The following COPA variants were observed in gnomAD, a reference collection of about 807,000 sequenced individuals.
COPA encodes coat protein complex I subunit alpha, also known as coatomer subunit alpha.
A neutral mutation model predicts 158.7 loss-of-function variants in COPA; 10 were observed. That is an observed-to-expected ratio of 0.06 (90% CI 0.04 to 0.11). The LOEUF is 0.11. COPA is among the 10% of genes least tolerant of loss of function. COPA has a pLI of 1.00. For synonymous variants in COPA, 462 were observed against 542.8 expected (o/e 0.85, Z 2.07); for missense variants, 1,065 against 1,536.7 (o/e 0.69, Z 5.13).
At position 160,324,258 on chromosome 1, in the gene COPA, T is replaced by C. The variant is rs555213985; in HGVS notation, c.607-728A>G. On this transcript the variant is annotated intron_variant, in intron 7 of 32. Coordinates refer to ENST00000241704, the MANE Select transcript of COPA (RefSeq NM_004371.4). Reference sequence around the variant, plus strand: ...TGCAAGGTAAAAACTATTTTCATAATATTACTAAGACTTTGTCTTCTTCAT... The same window carrying C: ...TGCAAGGTAAAAACTATTTTCATAACATTACTAAGACTTTGTCTTCTTCAT... 1.1e-4 allele frequency among the ~76,000 whole-genome samples: 17 copies of C among 151,348 alleles called. No individual in the cohort carries two copies. The Middle Eastern group carries it at 0.01, about 91-fold the overall frequency.
intron 17 of COPA, among the ~76,000 whole-genome samples, 166 bp from the exon 18 acceptor site, chr1:160,299,430 C>A (rs1162427604): frequency 6.6e-6 from 1 of 152,184 alleles, no homozygotes; most frequent in East Asian, 1.9e-4. Context: ...TTATCATATT[C>A]TTTCTACGAT....
chr1:160,322,162 G>A (rs1267983661), intron 8 of COPA, among the ~76,000 whole-genome samples: 2 of 152,064 alleles, frequency 1.3e-5, no homozygotes, highest in African/African-American at 4.8e-5. Context: ...AAGCAATTCT[G>A]AGCAAAAAGA....
At chr1:160,305,798 C>T in intron 15 of COPA, 25 bp from the exon 16 acceptor site, 1 of 1,578,480 alleles carries the variant, frequency 6.3e-7, no homozygotes, top group Non-Finnish European at 8.7e-7. Context: ...GATGTGCAAA[C>T]ATGAATGGAT....
At chr1:160,329,189 AC>A (rs1430117612) in intron 6 of COPA, among the ~76,000 whole-genome samples, 1 of 152,228 alleles carries the variant, frequency 6.6e-6, no homozygotes, top group Non-Finnish European at 1.5e-5. Flanking sequence ...TTTGTTAAAT[AC>A]CAAAGCATCT....
intron 3 of COPA, 168 bp downstream of exon 3, chr1:160,339,741 A>C: frequency 3.4e-6 from 2 of 588,776 alleles, no homozygotes; most frequent in Non-Finnish European, 6.0e-6. Context: ...AGTGTCTGGT[A>C]CACAGTAAGC....
intron 8 of COPA, among the ~76,000 whole-genome samples, chr1:160,314,613 G>C (rs1178806547): frequency 6.6e-6 from 1 of 152,204 alleles, no homozygotes; most frequent in African/African-American, 2.4e-5. Flanking sequence ...CTGGGCAACA[G>C]AGCAAGACCC....
At chr1:160,302,833 C>T (rs186900022) in intron 17 of COPA, among the ~76,000 whole-genome samples, 4 of 152,036 alleles carry the variant, frequency 2.6e-5, no homozygotes, top group Admixed American at 1.3e-4. Flanking sequence ...GGATTACAGG[C>T]GTGAGCGACC....
At chr1:160,313,253 C>A in intron 9 of COPA, 86 bp from the exon 10 acceptor site, 1 of 1,200,138 alleles carries the variant, frequency 8.3e-7, no homozygotes, top group Non-Finnish European at 1.2e-6. Flanking sequence ...GGTAAGCCAG[C>A]AAGCTGATTA....
intron 10 of COPA, among the ~76,000 whole-genome samples, chr1:160,312,326 A>G (rs1319722344): frequency 1.3e-5 from 2 of 152,220 alleles, no homozygotes; most frequent in Admixed American, 6.5e-5. Flanking sequence ...ATTTAGGTCT[A>G]TCACCCACAT....
chr1:160,317,235 T>C (rs1659178081), intron 8 of COPA, among the ~76,000 whole-genome samples: 1 of 152,206 alleles, frequency 6.6e-6, no homozygotes, highest in South Asian at 2.1e-4. Context: ...GTGTTAAAAG[T>C]AGTTCTTCGA....
chr1:160,323,134 A>C (rs531350009), intron 8 of COPA, among the ~76,000 whole-genome samples: 1 of 152,138 alleles, frequency 6.6e-6, no homozygotes, highest in Non-Finnish European at 1.5e-5. Flanking sequence ...GCATGTTCTC[A>C]CTCACATGTG....
intron 13 of COPA, among the ~76,000 whole-genome samples, chr1:160,307,750 C>T (rs749041710): frequency 6.6e-6 from 1 of 152,224 alleles, no homozygotes; most frequent in African/African-American, 2.4e-5. Flanking sequence ...CAAGTTGTTG[C>T]TCTGTAAATG....
intron 13 of COPA, among the ~76,000 whole-genome samples, chr1:160,307,881 G>T (rs1280916718): frequency 6.6e-6 from 1 of 152,208 alleles, no homozygotes; most frequent in Non-Finnish European, 1.5e-5. Context: ...ATAAACAGAA[G>T]GGTGCATCAA....
At chr1:160,338,941 C>T (rs1647907703) in intron 3 of COPA, among the ~76,000 whole-genome samples, 1 of 152,154 alleles carries the variant, frequency 6.6e-6, no homozygotes, top group African/African-American at 2.4e-5. Flanking sequence ...CTAGCACAGA[C>T]ACCTCAACTA....
In COPA at chr1:160,305,591, T is replaced by C; in HGVS notation, c.1529-20A>G. 1.2e-6 allele frequency: 2 copies of C among 1,614,142 alleles called. No homozygotes were observed. The highest frequency in any genetic ancestry group is 8.5e-7 in the Non-Finnish European group (1 of 1,180,018). On this transcript the variant is annotated intron_variant, in intron 16 of 32. Coordinates refer to ENST00000241704, the MANE Select transcript of COPA (RefSeq NM_004371.4). ...CAATGGCTGTAAGAGGCAAAGGGCA[T>C]GAGTGTTCTGTTGGATAGGGTAAGT... is the stretch of plus-strand genomic sequence containing the variant.
intron 17 of COPA, among the ~76,000 whole-genome samples, chr1:160,304,816 A>T (rs2101835788): frequency 6.6e-6 from 1 of 152,314 alleles, no homozygotes; most frequent in Middle Eastern, 3.4e-3. Flanking sequence ...TGTTCATACA[A>T]GCCAAAAACT....
chr1:160,325,425 C>G lies in COPA; in HGVS notation c.606+118G>C, dbSNP rs1659459067. 3.5e-6 allele frequency: 3 copies of G among 847,680 alleles called. No individual in the cohort carries two copies. The African/African-American group carries it at 5.0e-5, about 14-fold the overall frequency. 52.5% of individuals were successfully genotyped at this position (847,680 alleles called of 1,614,324 possible). On this transcript the variant is annotated intron_variant, in intron 7 of 32. Transcript: ENST00000241704. ...TTGATTTCTAGTACCTCAAACAGTGCCTGGCACTTAATAAGCACTCTGTAA... is the reference window on the plus strand; with the variant it reads ...TTGATTTCTAGTACCTCAAACAGTGGCTGGCACTTAATAAGCACTCTGTAA...
chr1:160,304,031 T>C (rs1482317730), intron 17 of COPA, among the ~76,000 whole-genome samples: 1 of 152,048 alleles, frequency 6.6e-6, no homozygotes, highest in Non-Finnish European at 1.5e-5. Context: ...TTCTTTTTTT[T>C]TTGAGACAGA....
At position 160,320,132 on chromosome 1, in the gene COPA, A is replaced by G. The variant is rs74745016; in HGVS notation, c.706+3299T>C. ...AGATAGTATCAACAAACTGTTAGCT[A>G]GACCAACTAAGGAAAAAGGAGAGAA... On this transcript the variant is annotated intron_variant, in intron 8 of 32. Transcript: ENST00000241704. Among the ~76,000 whole-genome samples, 260 of 152,256 alleles carry G rather than the reference A, an allele frequency of 1.7e-3. 3 individuals carry two copies. In the East Asian group the frequency reaches 0.024, roughly 14 times the overall value.
Sources: allele counts gnomAD v4.1 joint callset (sites outside exome capture counted in the v4.1 genomes callset), GRCh38; gene constraint gnomAD v4.1.1; transcripts MANE v1.5; gene names NCBI Gene and HGNC (gene_info 2026-07-23, HGNC 2026-07-21).